PC: variants seen among roughly 807,000 people sequenced by gnomAD.
The protein encoded by PC is pyruvate carboxylase, also known as pyruvate carboxylase, mitochondrial.
A neutral mutation model predicts 107.8 loss-of-function variants in PC; 46 were observed. That is an observed-to-expected ratio of 0.43 (90% CI 0.34 to 0.55). The LOEUF is 0.55. PC is among the 20% of genes least tolerant of loss of function. PC has a pLI of 0.04. For missense variants in PC, 1,241 were observed against 1,643.1 expected, an observed-to-expected ratio of 0.76 and a Z score of 4.23; for synonymous variants, 662 against 684.7, an observed-to-expected ratio of 0.97 and a Z score of 0.52.
At chr11:66,861,700 CG>C (rs1262087384) in intron 12 of PC, among the ~76,000 whole-genome samples, 2 of 152,148 alleles carry the variant, frequency 1.3e-5, no homozygotes, top group African/African-American at 4.8e-5. Context: ...CCACGCTGGG[CG>C]CTAGCATGAG....
chr11:66,870,156 C>G lies in PC; in HGVS notation c.903+146G>C. Reference sequence around the variant, plus strand: ...GGATGCCACAAACCCACTTCTGGCCCCCAGGAGAGTCCTTCACCCTCTTCT... The same window carrying G: ...GGATGCCACAAACCCACTTCTGGCCGCCAGGAGAGTCCTTCACCCTCTTCT... On this transcript the variant is annotated intron_variant, in intron 9 of 22. Transcript: ENST00000393960. This position sits in a 1 kb window ranked among gnomAD's most constrained non-coding sequence, Gnocchi z 6.1. 6.9e-6 allele frequency: 7 copies of G among 1,010,664 alleles called. No homozygotes were observed. The highest frequency in any genetic ancestry group is 5.5e-5 in the South Asian group (4 of 73,242). The allele number at this position is 1,010,664 out of a possible 1,614,324, so 62.6% of individuals were successfully genotyped here.
chr11:66,941,785 C>G (rs1949136400), intron 3 of PC, among the ~76,000 whole-genome samples: 1 of 151,970 alleles, frequency 6.6e-6, no homozygotes, highest in Non-Finnish European at 1.5e-5. Flanking sequence ...AGCCATCATG[C>G]CTGGCCCCCA....
chr11:66,858,895 C>A lies in PC; in HGVS notation c.1368+4879G>T, dbSNP rs1216166528. The A allele has an allele frequency of 1.9e-6, 3 of 1,561,766 alleles. No homozygotes were observed. The highest frequency in any genetic ancestry group is 1.9e-5 in the Admixed American group (1 of 53,836). On this transcript the variant is annotated intron_variant, in intron 12 of 22. Coordinates refer to ENST00000393960, the MANE Select transcript of PC (RefSeq NM_001040716.2). The surrounding 1 kb of genome is among the most constrained non-coding windows in gnomAD (Gnocchi z 5.9). ...AACAGCAGTGCCGAGGGGGGCCGCCCCGGGCCCTCGGACATCGCCGCCTCC... is the reference window on the plus strand; with the variant it reads ...AACAGCAGTGCCGAGGGGGGCCGCCACGGGCCCTCGGACATCGCCGCCTCC...
intron 3 of PC, among the ~76,000 whole-genome samples, chr11:66,872,976 G>A (rs1277544677): frequency 6.6e-6 from 1 of 151,302 alleles, no homozygotes; most frequent in Non-Finnish European, 1.5e-5. Flanking sequence ...GACAGAGGTT[G>A]CAGTGAGCTG....
At position 66,851,054 on chromosome 11, in the gene PC, T is replaced by C. The variant is rs1480573153; in HGVS notation, c.2209A>G (p.Ile737Val). 18 of 1,612,784 alleles carry C rather than the reference T, an allele frequency of 1.1e-5. No homozygotes were observed. The highest frequency in any genetic ancestry group is 6.7e-5 in the Admixed American group (4 of 59,996). Residue 737 changes from isoleucine to valine, a missense_variant, in exon 17 of 23, where the codon ATC (isoleucine) becomes GTC (valine). Coordinates refer to ENST00000393960, the MANE Select transcript of PC (RefSeq NM_001040716.2). ...AEELVRAGTH[I>V]LCIKDMAGLL... ...GGCCCAGGCACCTTGATGCACAGGA[T>C]GTGGGTGCCAGCTCGCACCAGCTCT... is the stretch of plus-strand genomic sequence containing the variant.
At chr11:66,923,293 C>T (rs369022422) in intron 3 of PC, among the ~76,000 whole-genome samples, 13 of 147,566 alleles carry the variant, frequency 8.8e-5, no homozygotes, top group South Asian at 2.2e-4. Context: ...ACCTGGGAGG[C>T]GGAGGTTGCA....
chr11:66,918,019 G>A (rs1234810121), intron 3 of PC, among the ~76,000 whole-genome samples: 2 of 152,096 alleles, frequency 1.3e-5, no homozygotes, highest in Non-Finnish European at 2.9e-5. Flanking sequence ...AAAATCTTTA[G>A]TCAAATGCCC....
chr11:66,860,898 G>A (rs1946221921), intron 12 of PC, among the ~76,000 whole-genome samples: 1 of 152,224 alleles, frequency 6.6e-6, no homozygotes, highest in Non-Finnish European at 1.5e-5. Context: ...GACCTGGGCT[G>A]AGCGTACAGT....
At chr11:66,886,996 G>A (rs992748492) in intron 3 of PC, among the ~76,000 whole-genome samples, 10 of 152,176 alleles carry the variant, frequency 6.6e-5, no homozygotes, top group East Asian at 1.9e-4. Flanking sequence ...CTCCAGCCCC[G>A]GCCATCAGGG....
At chr11:66,943,132 G>A (rs1324345557) in intron 3 of PC, among the ~76,000 whole-genome samples, 1 of 152,090 alleles carries the variant, frequency 6.6e-6, no homozygotes. Flanking sequence ...TAAGAGGTGG[G>A]GCCTTGAGGA....
At position 66,860,905 on chromosome 11, in the gene PC, C is replaced by G. The variant is rs551706320; in HGVS notation, c.1368+2869G>C. Among the ~76,000 whole-genome samples the G allele has an allele frequency of 3.9e-5, 6 of 152,290 alleles. No homozygotes were observed. The East Asian group carries it at 1.2e-3, about 29-fold the overall frequency. ...GGAGAACGGACCTGGGCTGAGCGTA[C>G]AGTGAAAAGTCCTCATGGCTCCAGG... On this transcript the variant is annotated intron_variant, in intron 12 of 22. Coordinates refer to ENST00000393960, the MANE Select transcript of PC (RefSeq NM_001040716.2).
At chr11:66,908,173 G>A (rs535608629) in intron 3 of PC, among the ~76,000 whole-genome samples, 7 of 152,340 alleles carry the variant, frequency 4.6e-5, no homozygotes, top group Admixed American at 1.3e-4. Flanking sequence ...CCAGGGCCAG[G>A]GCTGGGAAAG....
intron 3 of PC, among the ~76,000 whole-genome samples, chr11:66,941,078 T>TAAA (rs56790474): frequency 1.2e-4 from 10 of 83,878 alleles, no homozygotes; most frequent in Non-Finnish European, 1.9e-4. Context: ...AGACTCCATC[T>TAAA]AAAAAAAAAA....
At chr11:66,914,908 T>C (rs1295746254) in intron 3 of PC, among the ~76,000 whole-genome samples, 2 of 152,138 alleles carry the variant, frequency 1.3e-5, no homozygotes, top group Non-Finnish European at 2.9e-5. Context: ...TACGTGCCTA[T>C]GATCCCAGCT....
chr11:66,937,396 T>C (rs764304930), intron 3 of PC, among the ~76,000 whole-genome samples: 1 of 152,214 alleles, frequency 6.6e-6, no homozygotes, highest in Non-Finnish European at 1.5e-5. Flanking sequence ...TCTTGCTGCT[T>C]TCAAGATTCT....
At chr11:66,909,021 G>A (rs1948253777) in intron 3 of PC, among the ~76,000 whole-genome samples, 2 of 152,188 alleles carry the variant, frequency 1.3e-5, no homozygotes, top group Admixed American at 6.5e-5. Flanking sequence ...CTCAAACCAG[G>A]GGCCCTATCT....
At chr11:66,929,214 A>G (rs1442922416) in intron 3 of PC, among the ~76,000 whole-genome samples, 2 of 152,162 alleles carry the variant, frequency 1.3e-5, no homozygotes, top group African/African-American at 4.8e-5. Flanking sequence ...GCCCAGGCAT[A>G]GTACTAAAAT....
At chr11:66,956,709 C>T (rs1355710868) in intron 1 of PC, among the ~76,000 whole-genome samples, 1 of 152,212 alleles carries the variant, frequency 6.6e-6, no homozygotes, top group Non-Finnish European at 1.5e-5. Context: ...AACTCACCTC[C>T]TCCACGAAGC....
intron 3 of PC, among the ~76,000 whole-genome samples, chr11:66,942,850 T>C (rs1279216065): frequency 6.6e-6 from 1 of 151,618 alleles, no homozygotes; most frequent in African/African-American, 2.4e-5. Context: ...CCGTCTCTAC[T>C]AAAAAGAAAT....
Sources: gnomAD v4.1 joint callset for allele counts (sites outside exome capture counted in the v4.1 genomes callset) on GRCh38, gnomAD v4.1.1 for gene constraint, Gnocchi (gnomAD v3.1) non-coding constraint, MANE v1.5 for transcripts, NCBI Gene and HGNC (gene_info 2026-07-23, HGNC 2026-07-21) for gene names.